SLC7A3: variants seen among roughly 807,000 people sequenced by gnomAD.
The protein encoded by SLC7A3 is cationic amino acid transporter 3.
In SLC7A3, 3 loss-of-function variants were observed where a neutral mutation model predicts 33.2. The ratio of observed to expected loss-of-function variants is 0.09; its 90% confidence interval spans 0.04 to 0.23. The LOEUF is 0.23. Among genes scored for constraint, SLC7A3 ranks in the 10% least tolerant of loss-of-function variants. The probability of loss-of-function intolerance (pLI) is 1.00; values close to 1 mark genes in which losing one functional copy is unlikely to be tolerated. For synonymous variants in SLC7A3, 193 were observed against 195.1 expected, an observed-to-expected ratio of 0.99 and a Z score of 0.09; for missense variants, 360 against 488.8, an observed-to-expected ratio of 0.74 and a Z score of 2.48.
rs1367392023 is a variant in SLC7A3, at chrX:70,929,710, C to G, written c.288G>C (p.Ser96=). ...EFGARVPRSG[S]AYLYSYVTVG... ...CAGTGACATAGCTGTAGAGATATGCCGAACCAGAACGGGGAACCCGGGCAC... is the reference window on the plus strand; with the variant it reads ...CAGTGACATAGCTGTAGAGATATGCGGAACCAGAACGGGGAACCCGGGCAC... The change falls in exon 2 of 12, where the codon TCG becomes TCC. Residue 96 remains serine (S), a synonymous_variant. Coordinates refer to ENST00000374299, the MANE Select transcript of SLC7A3 (RefSeq NM_032803.6). 1.7e-6 allele frequency: 2 copies of G among 1,210,888 alleles called. No homozygotes were observed. Among genetic ancestry groups the G allele is most frequent in the Non-Finnish European group, 2.2e-6 (2 of 895,179 alleles).
intron 3 of SLC7A3, 68 bp from the exon 4 acceptor site, chrX:70,928,701 G>T (rs67961679): frequency 1.4e-5 from 16 of 1,122,889 alleles, no homozygotes; most frequent in African/African-American, 1.9e-5. Flanking sequence ...CTGCCTCTAG[G>T]TTCCTTCCCA....
Position 70,927,937 on chromosome X carries a change from C to G in SLC7A3, c.904G>C (p.Val302Leu). The change falls in exon 6 of 12, where the codon GTC becomes CTC. Residue 302 changes from valine (V) to leucine (L), a missense_variant. Physicochemically the swap from Val to Leu is conservative, Grantham distance 32. Transcript: ENST00000374299. ...ATCATCAGGGTGAGTGCAGAAGAGACAGCAAAATACGCCAAAAAGCAGACA... is the reference window on the plus strand; with the variant it reads ...ATCATCAGGGTGAGTGCAGAAGAGAGAGCAAAATACGCCAAAAAGCAGACA... ...LSVCFLAYFA[V>L]SSALTLMMPY... is the part of the protein sequence containing the mutation. The G allele has an allele frequency of 8.3e-7, 1 of 1,211,397 alleles. No individual in the cohort carries two copies. The highest frequency in any genetic ancestry group is 1.8e-5 in the South Asian group (1 of 56,790).
rs968094456 is a variant in SLC7A3 at position 70,925,645 on chromosome X, G to A, written c.*168C>T. ...GTAAGCAGCTAGACATCATTTAGAA[G>A]CAGACGGGTTAAAATAGACAAGAAA... On this transcript the variant is annotated 3_prime_UTR_variant, in exon 12 of 12. Transcript: ENST00000374299. 1 of 489,891 alleles carries A rather than the reference G, an allele frequency of 2.0e-6. No homozygotes were observed. The highest frequency in any genetic ancestry group is 3.3e-6 in the Non-Finnish European group (1 of 306,628). The allele number at this position is 489,891 out of a possible 1,213,427, so 40.4% of individuals were successfully genotyped here. A position where few individuals can be genotyped will look rare whatever the true frequency, so the allele number is the denominator to read the frequency against.
At chrX:70,929,492 CA>C (rs2091905713) in intron 2 of SLC7A3, 135 bp downstream of exon 2, 32 of 780,238 alleles carry the variant, frequency 4.1e-5, no homozygotes, top group Non-Finnish European at 4.9e-5. Context: ...CACCCCCCCC[CA>C]GACCCCCAGC....
rs1371387177 is a variant in SLC7A3, at chrX:70,925,814, C to T, written c.1859G>A (p.Ter620=). ...DPGTLYVHSV[*] is the part of the protein sequence containing the mutation. ...AGACAGCATTTAGGTGTGACGATGTCAAACTGAGTGGACATAGAGAGTGCC... is the reference window on the plus strand; with the variant it reads ...AGACAGCATTTAGGTGTGACGATGTTAAACTGAGTGGACATAGAGAGTGCC... The change falls in exon 12 of 12, where the codon TGA becomes TAA. Residue 620 remains the stop codon, a stop_retained_variant. Transcript: ENST00000374299. The T allele has an allele frequency of 8.3e-7, 1 of 1,211,411 alleles. No individual in the cohort carries two copies. Among genetic ancestry groups the T allele is most frequent in the African/African-American group, 1.7e-5 (1 of 57,732 alleles).
Position 70,927,050 on chromosome X carries a change from AAAGT to A in SLC7A3, c.1287-13_1287-10del. 1 of 1,199,866 alleles carries A rather than the reference AAAGT, an allele frequency of 8.3e-7. No homozygotes were observed. The highest frequency in any genetic ancestry group is 2.3e-5 in the Admixed American group (1 of 44,054). ...CCTGATCAGGTTGATACCTGAGGCA[AAAGT>A]AAGATGGCAGTATTAAGAACAACCT... On this transcript the variant is annotated splice_polypyrimidine_tract_variant and intron_variant, in intron 8 of 11. Coordinates refer to ENST00000374299, the MANE Select transcript of SLC7A3 (RefSeq NM_032803.6).
chrX:70,927,087 C>A lies in SLC7A3; in HGVS notation c.1287-46G>T. 3.4e-6 allele frequency: 4 copies of A among 1,167,213 alleles called. No individual in the cohort carries two copies. In the South Asian group the frequency reaches 8.0e-5, roughly 23 times the overall value. ...CAGTATTAAGAACAACCTTTACTCA[C>A]TTTATCATCTTCTCCCAGGCAGCTT... On this transcript the variant is annotated intron_variant, in intron 8 of 11. Coordinates refer to ENST00000374299, the MANE Select transcript of SLC7A3 (RefSeq NM_032803.6).
chrX:70,928,126 A>C lies in SLC7A3; in HGVS notation c.820+19T>G. The C allele has an allele frequency of 8.3e-7, 1 of 1,201,069 alleles. No individual in the cohort carries two copies. The highest frequency in any genetic ancestry group is 1.1e-6 in the Non-Finnish European group (1 of 886,085). ...CACACTGTGCCCAAGCCCCAAACAG[A>C]ATGGAATGACTGTGTTACCAGTGGT... On this transcript the variant is annotated intron_variant, in intron 5 of 11. Transcript: ENST00000374299.
chrX:70,927,744 A>C (rs1048920622), intron 6 of SLC7A3, 54 bp downstream of exon 6: 21 of 1,155,030 alleles, frequency 1.8e-5, no homozygotes, highest in Non-Finnish European at 2.1e-5. Context: ...TCTGGTACTG[A>C]ATGCTATAAC....
Position 70,928,188 on chromosome X carries a change from G to A in SLC7A3, c.777C>T (p.Thr259=), listed in dbSNP as rs1158777411. The change falls in exon 5 of 12, where the codon ACC becomes ACT. Residue 259 remains threonine (T), a synonymous_variant. Coordinates refer to ENST00000374299, the MANE Select transcript of SLC7A3 (RefSeq NM_032803.6). ...CGAAACCAACAAATGCATAGAAACA[G>A]GTCGCTGCTCCACGGAGAATTCCCT... ...GFEGILRGAA[T]CFYAFVGFDC... is the part of the protein sequence containing the mutation. The A allele has an allele frequency of 2.5e-6, 3 of 1,211,588 alleles. No individual in the cohort carries two copies. The East Asian group carries it at 8.9e-5, about 36-fold the overall frequency.
In SLC7A3 at chrX:70,925,871, T is replaced by A; in HGVS notation, c.1802A>T (p.Lys601Met). ...EEIKSNQPSR[K>M]SRAKTVDLDP... The stretch of plus-strand genomic sequence containing the variant: ...AAGGTCTACAGTTTTGGCTCTAGAC[T>A]TGCGTGAGGGTTGGTTACTCTTAAT... Residue 601 changes from lysine (K) to methionine (M), a missense_variant, in exon 12 of 12, where the codon AAG becomes ATG. By Grantham distance (95) the Lys-to-Met change is moderately conservative. Coordinates refer to ENST00000374299, the MANE Select transcript of SLC7A3 (RefSeq NM_032803.6). 1.7e-6 allele frequency: 2 copies of A among 1,211,357 alleles called. No individual in the cohort carries two copies. The highest frequency in any genetic ancestry group is 2.2e-6 in the Non-Finnish European group (2 of 895,316).
chrX:70,926,789 T>C (rs2091897918), intron 9 of SLC7A3, 86 bp downstream of exon 9: 1 of 1,161,334 alleles, frequency 8.6e-7, no homozygotes, highest in Non-Finnish European at 1.2e-6. Flanking sequence ...GCTCTCTCTC[T>C]AGTTCTTCCT....
chrX:70,926,174 G>T lies in SLC7A3; in HGVS notation c.1625C>A (p.Pro542His). The part of the protein sequence containing the change: ...QSSTPLHFKV[P>H]ALPLLPLMSI... Reference sequence around the variant, plus strand: ...CATTAGTGGGAGGAGAGGCAAAGCAGGCACCTGAAAACAAAGTAAAATCTT... The same window carrying T: ...CATTAGTGGGAGGAGAGGCAAAGCATGCACCTGAAAACAAAGTAAAATCTT... The change falls in exon 11 of 12, where the codon CCT becomes CAT. Residue 542 changes from proline (P) to histidine (H), a missense_variant. Coordinates refer to ENST00000374299, the MANE Select transcript of SLC7A3 (RefSeq NM_032803.6). The T allele has an allele frequency of 8.3e-7, 1 of 1,203,306 alleles. No homozygotes were observed.
chrX:70,930,804 T>A (rs2091909551), intron 1 of SLC7A3, among the ~76,000 whole-genome samples, 173 bp downstream of exon 1: 1 of 111,498 alleles, frequency 9.0e-6, no homozygotes, highest in Non-Finnish European at 1.9e-5. Context: ...CATCTAGAAA[T>A]GGTTTGGAGC....
In SLC7A3 at chrX:70,925,652, G is replaced by T; in HGVS notation, c.*161C>A. On this transcript the variant is annotated 3_prime_UTR_variant, in exon 12 of 12. Transcript: ENST00000374299. ...GCTAGACATCATTTAGAAGCAGACGGGTTAAAATAGACAAGAAATAGCAAA... is the reference window on the plus strand; with the variant it reads ...GCTAGACATCATTTAGAAGCAGACGTGTTAAAATAGACAAGAAATAGCAAA... 5.6e-6 allele frequency: 3 copies of T among 540,313 alleles called. No individual in the cohort carries two copies. The highest frequency in any genetic ancestry group is 8.7e-6 in the Non-Finnish European group (3 of 344,669). 44.5% of individuals were successfully genotyped at this position (540,313 alleles called of 1,213,427 possible).
rs765200233 is a variant in SLC7A3, at chrX:70,930,081, G to A, written c.-25-59C>T. The A allele has an allele frequency of 7.2e-5, 78 of 1,082,173 alleles. No individual in the cohort carries two copies. The African/African-American group carries it at 1.2e-3, about 17-fold the overall frequency. The allele number at this position is 1,082,173 out of a possible 1,213,427, so 89.2% of individuals were successfully genotyped here. On this transcript the variant is annotated intron_variant, in intron 1 of 11. Coordinates refer to ENST00000374299, the MANE Select transcript of SLC7A3 (RefSeq NM_032803.6). ...GGCTCATTATCCCTAAACTCTGAAAGCGAATTACAAGACCCCCTCCACCAA... is the reference window on the plus strand; with the variant it reads ...GGCTCATTATCCCTAAACTCTGAAAACGAATTACAAGACCCCCTCCACCAA...
In SLC7A3 at chrX:70,925,709, T is replaced by C; in HGVS notation, c.*104A>G. The C allele has an allele frequency of 1.1e-6, 1 of 936,257 alleles. No homozygotes were observed. The highest frequency in any genetic ancestry group is 1.5e-6 in the Non-Finnish European group (1 of 656,510). The allele number at this position is 936,257 out of a possible 1,213,427, so 77.2% of individuals were successfully genotyped here. ...TCCTTCACATCGTACAGAACTGTATTAGTATCCACCACCACCATCACAGGG... is the reference window on the plus strand; with the variant it reads ...TCCTTCACATCGTACAGAACTGTATCAGTATCCACCACCACCATCACAGGG... On this transcript the variant is annotated 3_prime_UTR_variant, in exon 12 of 12. Coordinates refer to ENST00000374299, the MANE Select transcript of SLC7A3 (RefSeq NM_032803.6).
chrX:70,926,691 C>G lies in SLC7A3; in HGVS notation c.1456G>C (p.Val486Leu). The G allele has an allele frequency of 8.4e-7, 1 of 1,185,005 alleles. No individual in the cohort carries two copies. The highest frequency in any genetic ancestry group is 1.1e-6 in the Non-Finnish European group (1 of 882,896). Residue 486 changes from valine to leucine, a missense_variant and splice_region_variant, in exon 10 of 12, where the codon GTC (valine) becomes CTC (leucine). Coordinates refer to ENST00000374299, the MANE Select transcript of SLC7A3 (RefSeq NM_032803.6). ...IVYVCSSLLA[V>L]LLTALCLVLA... ...ACCAGGCAAAGAGCAGTCAGCAGGACAGCTTCAAAGGTCAAGTTGAGAGAC... is the reference window on the plus strand; with the variant it reads ...ACCAGGCAAAGAGCAGTCAGCAGGAGAGCTTCAAAGGTCAAGTTGAGAGAC...
chrX:70,930,082 C>T (rs1206707957), intron 1 of SLC7A3, 60 bp from the exon 2 acceptor site: 12 of 1,075,366 alleles, frequency 1.1e-5, no homozygotes, highest in Non-Finnish European at 1.5e-5. Flanking sequence ...ACTCTGAAAG[C>T]GAATTACAAG....
Sources: allele counts gnomAD v4.1 joint callset (sites outside exome capture counted in the v4.1 genomes callset), GRCh38; gene constraint gnomAD v4.1.1; transcripts MANE v1.5; gene names NCBI Gene and HGNC (gene_info 2026-07-23, HGNC 2026-07-21).